Variants in MAP4K3 observed in about 807,000 individuals in gnomAD.
The protein encoded by MAP4K3 is MAPK/ERK kinase kinase kinase 3.
MAP4K3 carries 94 observed loss-of-function variants against 143.5 expected under a neutral mutation model. The ratio of observed to expected loss-of-function variants is 0.65; its 90% CI spans 0.55 to 0.78. The LOEUF is 0.78. Ranked by LOEUF, MAP4K3 falls within the 30% of genes least tolerant of loss-of-function variation. MAP4K3 has a pLI of 0.00. For synonymous variants in MAP4K3, 416 were observed against 347.2 expected, an observed-to-expected ratio of 1.20 and a Z score of -2.20; for missense variants, 1,077 against 1,068.1, an observed-to-expected ratio of 1.01 and a Z score of -0.12.
At chr2:39,299,962 A>C (rs1047399437) in intron 15 of MAP4K3, 161 bp from the exon 16 acceptor site, 3 of 357,122 alleles carry the variant, frequency 8.4e-6, no homozygotes, top group Non-Finnish European at 1.5e-5. Context: ...ACGAGTTCAT[A>C]GTCCTGATTT....
At chr2:39,332,033 A>T in intron 7 of MAP4K3, 44 bp from the exon 8 acceptor site, 1 of 1,160,724 alleles carries the variant, frequency 8.6e-7, no homozygotes, top group Non-Finnish European at 1.2e-6. Flanking sequence ...GAGAGAAAAT[A>T]AAATTGTTTA....
intron 4 of MAP4K3, among the ~76,000 whole-genome samples, chr2:39,339,660 A>C (rs1007406665): frequency 6.6e-6 from 1 of 152,186 alleles, no homozygotes; most frequent in Non-Finnish European, 1.5e-5. Context: ...AGGTGTAGAC[A>C]AGCACGACGA....
Position 39,263,392 on chromosome 2 carries a change from C to T in MAP4K3, c.2136+1811G>A, listed in dbSNP as rs371975179. Reference sequence around the variant, plus strand: ...GGTTCAGGCCATTCTCCTGCCTCAGCCTCCCGAGTAGCTGGGACTACAGGC... The same window carrying T: ...GGTTCAGGCCATTCTCCTGCCTCAGTCTCCCGAGTAGCTGGGACTACAGGC... On this transcript the variant is annotated intron_variant, in intron 28 of 33. Coordinates refer to ENST00000263881, the MANE Select transcript of MAP4K3 (RefSeq NM_003618.4). Among the ~76,000 whole-genome samples, 42 of 150,472 alleles carry T rather than the reference C, an allele frequency of 2.8e-4. 1 individual carries two copies. In the East Asian group the frequency reaches 7.1e-3, roughly 26 times the overall value.
intron 1 of MAP4K3, among the ~76,000 whole-genome samples, chr2:39,389,823 G>C (rs1666603926): frequency 6.6e-6 from 1 of 152,128 alleles, no homozygotes; most frequent in Non-Finnish European, 1.5e-5. Context: ...AAGATGCAAG[G>C]AGTATCAAAT....
chr2:39,327,824 C>A (rs951939570), intron 8 of MAP4K3, among the ~76,000 whole-genome samples: 1 of 151,590 alleles, frequency 6.6e-6, no homozygotes. Context: ...GCAAGTGATA[C>A]GCTCCTAACT....
intron 28 of MAP4K3, among the ~76,000 whole-genome samples, chr2:39,262,304 C>A (rs914073440): frequency 6.6e-6 from 1 of 152,188 alleles, no homozygotes; most frequent in African/African-American, 2.4e-5. Flanking sequence ...TCCTACAGTC[C>A]TTCTTTCCCT....
intron 2 of MAP4K3, among the ~76,000 whole-genome samples, chr2:39,363,544 C>T (rs1458792345): frequency 6.6e-6 from 1 of 151,774 alleles, no homozygotes; most frequent in African/African-American, 2.4e-5. Context: ...TGGCAGGTGT[C>T]TGTAATCCCA....
At chr2:39,310,303 T>C (rs116297908) in intron 13 of MAP4K3, among the ~76,000 whole-genome samples, 1 of 152,140 alleles carries the variant, frequency 6.6e-6, no homozygotes, top group Non-Finnish European at 1.5e-5. Flanking sequence ...TCTACCTCCA[T>C]GAGATCAACT....
At chr2:39,384,557 C>T (rs770813846) in intron 1 of MAP4K3, among the ~76,000 whole-genome samples, 1 of 152,064 alleles carries the variant, frequency 6.6e-6, no homozygotes, top group Non-Finnish European at 1.5e-5. Context: ...AAAACAACAA[C>T]AGCAACAAAA....
chr2:39,291,359 T>C lies in MAP4K3; in HGVS notation c.1272-1025A>G, dbSNP rs186576548. 6.6e-4 allele frequency among the ~76,000 whole-genome samples: 101 copies of C among 152,268 alleles called. 1 individual carries two copies. Among genetic ancestry groups the C allele is most frequent in the Non-Finnish European group, 1.0e-4 (7 of 68,024 alleles). On this transcript the variant is annotated intron_variant, in intron 18 of 33. Coordinates refer to ENST00000263881, the MANE Select transcript of MAP4K3 (RefSeq NM_003618.4). ...TGTAATTAAAACTGGGAAAGATAAT[T>C]ATAATTCCAGTTTATATCAACTGAA...
intron 1 of MAP4K3, among the ~76,000 whole-genome samples, chr2:39,390,066 T>A (rs987264690): frequency 2.1e-4 from 32 of 152,174 alleles, no homozygotes; most frequent in Admixed American, 2.0e-3. Flanking sequence ...ACGATCAACA[T>A]CTAAAATAAT....
At chr2:39,335,128 G>T (rs1226919900) in intron 6 of MAP4K3, among the ~76,000 whole-genome samples, 2 of 152,122 alleles carry the variant, frequency 1.3e-5, no homozygotes, top group Non-Finnish European at 2.9e-5. Flanking sequence ...TATAAGATGA[G>T]GTCACGGAGA....
At chr2:39,369,200 T>TTTG (rs1666010480) in intron 2 of MAP4K3, among the ~76,000 whole-genome samples, 1 of 22,196 alleles carries the variant, frequency 4.5e-5, no homozygotes, top group Admixed American at 8.5e-4. Context: ...CTAGTTTTTT[T>TTTG]TTTTGTTTTT....
intron 1 of MAP4K3, among the ~76,000 whole-genome samples, chr2:39,381,619 C>G (rs928792293): frequency 2.8e-4 from 43 of 151,992 alleles, no homozygotes; most frequent in Non-Finnish European, 2.5e-4. Context: ...TTATAGTTTT[C>G]TTAAATTTAC....
intron 13 of MAP4K3, among the ~76,000 whole-genome samples, chr2:39,313,962 A>G (rs1009465132): frequency 4.6e-5 from 7 of 152,222 alleles, no homozygotes; most frequent in Non-Finnish European, 8.8e-5. Context: ...CAAGAAAGAG[A>G]GTACTTTAAA....
chr2:39,292,989 G>C (rs1245013048), intron 17 of MAP4K3, among the ~76,000 whole-genome samples, 163 bp from the exon 18 acceptor site: 1 of 152,136 alleles, frequency 6.6e-6, no homozygotes, highest in African/African-American at 2.4e-5. Context: ...TGGGAGCGGT[G>C]GATCGTGATG....
chr2:39,276,780 T>C (rs901166004), intron 24 of MAP4K3, among the ~76,000 whole-genome samples: 3 of 152,222 alleles, frequency 2.0e-5, no homozygotes, highest in African/African-American at 7.2e-5. Context: ...GACTCGTGGG[T>C]ACTAAATGAT....
chr2:39,289,931 C>A (rs6544219), intron 19 of MAP4K3, among the ~76,000 whole-genome samples: 1 of 151,894 alleles, frequency 6.6e-6, no homozygotes, highest in Non-Finnish European at 1.5e-5. Flanking sequence ...CTAAAAAATA[C>A]AAAACTTTAG....
chr2:39,382,740 T>C (rs556823598), intron 1 of MAP4K3, among the ~76,000 whole-genome samples: 1 of 152,216 alleles, frequency 6.6e-6, no homozygotes, highest in Non-Finnish European at 1.5e-5. Context: ...CCCAGGATTC[T>C]GTATCTTAAG....
Sources: gnomAD v4.1 joint callset for allele counts (sites outside exome capture counted in the v4.1 genomes callset) on GRCh38, gnomAD v4.1.1 for gene constraint, MANE v1.5 for transcripts, NCBI Gene and HGNC (gene_info 2026-07-23, HGNC 2026-07-21) for gene names.